The following NAALADL2 variants were observed in gnomAD, a reference collection of about 807,000 sequenced individuals.
NAALADL2 encodes inactive N-acetylated-alpha-linked acidic dipeptidase-like protein 2.
In NAALADL2, 76 loss-of-function variants were observed where a neutral mutation model predicts 87.2. The observed-to-expected ratio is 0.87, with a 90% CI of 0.72 to 1.05. The LOEUF (loss-of-function observed/expected upper bound fraction) is 1.05. Ranked by LOEUF, NAALADL2 falls within the 50% of genes least tolerant of loss-of-function variation. The probability of loss-of-function intolerance (pLI) is 0.00; values close to 1 mark genes in which losing one functional copy is unlikely to be tolerated. For synonymous variants in NAALADL2, 354 were observed against 331.0 expected (o/e 1.07, Z -0.75); for missense variants, 1,089 against 945.8 (o/e 1.15, Z -1.99).
chr3:175,438,209 A>C (rs946210211), intron 5 of NAALADL2, among the ~76,000 whole-genome samples: 1 of 152,150 alleles, frequency 6.6e-6, no homozygotes, highest in African/African-American at 2.4e-5. Context: ...ATTTTAAATA[A>C]TAATCTAAAC....
chr3:175,164,551 C>T (rs1474033957), intron 2 of NAALADL2, among the ~76,000 whole-genome samples: 1 of 151,972 alleles, frequency 6.6e-6, no homozygotes, highest in African/African-American at 2.4e-5. Context: ...AAAATGGTGC[C>T]TGTTAGTTAA....
intron 1 of NAALADL2, among the ~76,000 whole-genome samples, chr3:174,897,806 T>C (rs961111705): frequency 5.3e-5 from 8 of 152,088 alleles, no homozygotes; most frequent in Admixed American, 3.9e-4. Context: ...TGGAGTCCTA[T>C]TCAGCCATAA....
chr3:174,963,957 T>G (rs1184284892), intron 1 of NAALADL2, among the ~76,000 whole-genome samples: 17 of 152,082 alleles, frequency 1.1e-4, no homozygotes, highest in African/African-American at 4.1e-4. Flanking sequence ...GTCAAAATTA[T>G]CATAAGGAAT....
At chr3:175,627,445 A>G in intron 11 of NAALADL2, 59 bp downstream of exon 11, 2 of 1,134,060 alleles carry the variant, frequency 1.8e-6, no homozygotes, top group Non-Finnish European at 2.6e-6. Context: ...TTATTGGTAG[A>G]TGGAGCAAAG....
chr3:174,613,807 A>G (rs1215273772), intron 2 of NAALADL2, among the ~76,000 whole-genome samples: 1 of 152,214 alleles, frequency 6.6e-6, no homozygotes, highest in African/African-American at 2.4e-5. Flanking sequence ...GGTACAAGGC[A>G]AAGTCTCATT....
intron 4 of NAALADL2, among the ~76,000 whole-genome samples, chr3:175,277,730 G>C (rs1479557509): frequency 1.3e-5 from 2 of 152,054 alleles, no homozygotes; most frequent in African/African-American, 4.8e-5. Context: ...TAAATAATCT[G>C]AGATTGCATA....
chr3:175,469,452 T>C (rs965536419), intron 8 of NAALADL2, among the ~76,000 whole-genome samples: 3 of 152,054 alleles, frequency 2.0e-5, no homozygotes, highest in Non-Finnish European at 4.4e-5. Context: ...TTTGCTTGCA[T>C]AGAAAACTCT....
intron 13 of NAALADL2, among the ~76,000 whole-genome samples, chr3:175,757,616 G>A (rs1299810489): frequency 6.6e-6 from 1 of 151,874 alleles, no homozygotes; most frequent in Non-Finnish European, 1.5e-5. Flanking sequence ...ATAAGTCTTT[G>A]GAAAATATAC....
chr3:174,571,810 A>G (rs1204088987), intron 2 of NAALADL2, among the ~76,000 whole-genome samples: 2 of 152,168 alleles, frequency 1.3e-5, no homozygotes, highest in East Asian at 3.8e-4. Flanking sequence ...GTAGGGAATG[A>G]CTCAAGAAAA....
At chr3:174,512,883 G>A (rs77458149) in intron 1 of NAALADL2, among the ~76,000 whole-genome samples, 1,957 of 151,744 alleles carry the variant, frequency 0.013, 36 homozygotes, top group African/African-American at 0.046. Flanking sequence ...CCTGGTATCT[G>A]TTACTTCACC....
At chr3:174,493,959 A>C (rs1294770265) in intron 1 of NAALADL2, among the ~76,000 whole-genome samples, 1 of 152,184 alleles carries the variant, frequency 6.6e-6, no homozygotes, top group African/African-American at 2.4e-5. Context: ...TCAAACAGTC[A>C]ACTTCATATG....
intron 1 of NAALADL2, among the ~76,000 whole-genome samples, chr3:174,930,690 C>T (rs1197181003): frequency 6.6e-5 from 9 of 135,654 alleles, no homozygotes; most frequent in Admixed American, 3.3e-4. Context: ...GGCGCGATCT[C>T]GGCTCACTGC....
intron 3 of NAALADL2, among the ~76,000 whole-genome samples, chr3:174,830,577 G>A (rs1282422230): frequency 5.3e-5 from 8 of 151,854 alleles, no homozygotes; most frequent in East Asian, 1.9e-4. Context: ...TTTGGCTTAG[G>A]ATTGACTTGG....
At chr3:175,729,528 A>G (rs1372706204) in intron 11 of NAALADL2, among the ~76,000 whole-genome samples, 1 of 152,176 alleles carries the variant, frequency 6.6e-6, no homozygotes, top group Non-Finnish European at 1.5e-5. Context: ...TCAACCACTC[A>G]TACATTGCTG....
chr3:175,603,789 C>CATGGGTAT (rs1723279240), intron 10 of NAALADL2, among the ~76,000 whole-genome samples: 1 of 151,872 alleles, frequency 6.6e-6, no homozygotes, highest in South Asian at 2.1e-4. Context: ...ATAAAAATAC[C>CATGGGTAT]TCTTAAAGCC....
chr3:175,704,647 A>C (rs781318574), intron 11 of NAALADL2, among the ~76,000 whole-genome samples: 1 of 152,116 alleles, frequency 6.6e-6, no homozygotes, highest in Non-Finnish European at 1.5e-5. Flanking sequence ...GTCTTTCCAC[A>C]TACAAACATA....
intron 1 of NAALADL2, among the ~76,000 whole-genome samples, chr3:174,968,672 G>C (rs759161129): frequency 1.3e-5 from 2 of 152,042 alleles, no homozygotes; most frequent in African/African-American, 2.4e-5. Context: ...TAGAGACGGG[G>C]TTTCACCAAG....
chr3:174,561,925 TA>T (rs1713665704), intron 2 of NAALADL2, among the ~76,000 whole-genome samples: 1 of 152,192 alleles, frequency 6.6e-6, no homozygotes, highest in African/African-American at 2.4e-5. Context: ...TTTATTTTTG[TA>T]AAAATGTTCT....
chr3:175,073,009 C>T (rs1024393505), intron 1 of NAALADL2, among the ~76,000 whole-genome samples: 5 of 152,006 alleles, frequency 3.3e-5, no homozygotes, highest in South Asian at 4.1e-4. Flanking sequence ...TAAATATAGA[C>T]ATTTCAAGAA....
Sources: gnomAD v4.1 joint callset for allele counts (sites outside exome capture counted in the v4.1 genomes callset) on GRCh38, gnomAD v4.1.1 for gene constraint, MANE v1.5 for transcripts, NCBI Gene and HGNC (gene_info 2026-07-23, HGNC 2026-07-21) for gene names.